Variants in SEC24B observed in about 807,000 individuals in gnomAD.
SEC24B encodes the protein protein transport protein Sec24B.
Under a neutral mutation model 142.8 loss-of-function variants are expected in SEC24B, and 45 were observed. The ratio of observed to expected loss-of-function variants is 0.32; its 90% CI spans 0.25 to 0.40. SEC24B has a LOEUF of 0.40. SEC24B is among the 10% of genes least tolerant of loss of function. The pLI is 1.00. For missense variants in SEC24B, 1,409 were observed against 1,526.8 expected, an observed-to-expected ratio of 0.92 and a Z score of 1.29; for synonymous variants, 574 against 568.2, an observed-to-expected ratio of 1.01 and a Z score of -0.15.
At chr4:109,528,921 G>C (rs1724578454) in intron 18 of SEC24B, among the ~76,000 whole-genome samples, 1 of 152,146 alleles carries the variant, frequency 6.6e-6, no homozygotes, top group African/African-American at 2.4e-5. Context: ...CCCAGTACTT[G>C]GGAGGCTGAA....
At chr4:109,533,329 A>G (rs562793184) in intron 21 of SEC24B, among the ~76,000 whole-genome samples, 74 of 152,364 alleles carry the variant, frequency 4.9e-4, no homozygotes, top group Non-Finnish European at 7.9e-4. Context: ...CAGTGAGTCA[A>G]TTATACTGAT....
intron 10 of SEC24B, among the ~76,000 whole-genome samples, chr4:109,514,993 A>G (rs1737776109): frequency 6.6e-6 from 1 of 152,114 alleles, no homozygotes; most frequent in Non-Finnish European, 1.5e-5. Flanking sequence ...TTCCCACTCC[A>G]TATTGGGTCC....
At chr4:109,511,851 T>C (rs1372765895) in intron 8 of SEC24B, 106 bp from the exon 9 acceptor site, 1 of 1,162,404 alleles carries the variant, frequency 8.6e-7, no homozygotes, top group Non-Finnish European at 1.2e-6. Flanking sequence ...TAAAACCACA[T>C]AAAAACAATT....
chr4:109,507,140 A>G (rs1736771159), intron 7 of SEC24B, among the ~76,000 whole-genome samples: 2 of 151,934 alleles, frequency 1.3e-5, no homozygotes, highest in Non-Finnish European at 2.9e-5. Flanking sequence ...TTGTTCTTGC[A>G]TGCTTTTAGT....
At chr4:109,459,425 A>C (rs572160815) in intron 1 of SEC24B, among the ~76,000 whole-genome samples, 48 of 152,362 alleles carry the variant, frequency 3.2e-4, no homozygotes, top group African/African-American at 1.2e-3. Context: ...CAAAAAAGCA[A>C]AATATCTCAG....
intron 6 of SEC24B, among the ~76,000 whole-genome samples, chr4:109,503,994 T>G (rs956881164): frequency 6.6e-6 from 1 of 152,174 alleles, no homozygotes. Flanking sequence ...ATGCTGCTAT[T>G]AATCCATGTG....
intron 16 of SEC24B, 43 bp from the exon 17 acceptor site, chr4:109,526,183 A>T: frequency 6.4e-7 from 1 of 1,565,602 alleles, no homozygotes; most frequent in Non-Finnish European, 8.8e-7. Context: ...TGAGGTGAAG[A>T]TACTATTGTT....
chr4:109,484,514 A>T (rs557699786), intron 4 of SEC24B, among the ~76,000 whole-genome samples: 1 of 152,256 alleles, frequency 6.6e-6, no homozygotes, highest in South Asian at 2.1e-4. Context: ...GACTATTTAA[A>T]TGTTGTGTTC....
At chr4:109,466,603 G>C (rs1731909589) in intron 2 of SEC24B, among the ~76,000 whole-genome samples, 1 of 152,064 alleles carries the variant, frequency 6.6e-6, no homozygotes, top group Non-Finnish European at 1.5e-5. Flanking sequence ...GTAGAGACAG[G>C]GTTTCACCAT....
At chr4:109,501,540 G>A (rs986878800) in intron 6 of SEC24B, among the ~76,000 whole-genome samples, 14 of 152,138 alleles carry the variant, frequency 9.2e-5, no homozygotes, top group African/African-American at 2.2e-4. Context: ...GCAGGATCGC[G>A]GCTCACTGCA....
chr4:109,489,628 ATATG>A (rs1391424233), intron 4 of SEC24B, among the ~76,000 whole-genome samples: 1 of 145,260 alleles, frequency 6.9e-6, no homozygotes, highest in Admixed American at 6.9e-5. Flanking sequence ...ATTATAATAT[ATATG>A]GTATATATAT....
intron 6 of SEC24B, among the ~76,000 whole-genome samples, chr4:109,495,476 G>A (rs988683268): frequency 1.3e-5 from 2 of 152,172 alleles, no homozygotes; most frequent in Admixed American, 6.5e-5. Context: ...GCAGAAGAGA[G>A]GAGAAGGAGA....
At chr4:109,487,424 A>C (rs191703149) in intron 4 of SEC24B, among the ~76,000 whole-genome samples, 98 of 152,256 alleles carry the variant, frequency 6.4e-4, no homozygotes, top group Non-Finnish European at 7.8e-4. Flanking sequence ...AAAAGGGAGG[A>C]TGGTAAAGGG....
chr4:109,453,582 A>C (rs1386129860), intron 1 of SEC24B, among the ~76,000 whole-genome samples: 1 of 151,794 alleles, frequency 6.6e-6, no homozygotes, highest in African/African-American at 2.4e-5. Flanking sequence ...GCCAGACTTT[A>C]AGGTTATCTC....
chr4:109,481,748 G>A lies in SEC24B; in HGVS notation c.1132G>A (p.Asp378Asn), dbSNP rs763872986. 13 of 1,613,894 alleles carry A rather than the reference G, an allele frequency of 8.1e-6. No homozygotes were observed. The highest frequency in any genetic ancestry group is 1.1e-5 in the Non-Finnish European group (13 of 1,179,804). Reference protein sequence around the residue: ...APTPLSSTSDDEEEEEEDEEA... With the variant: ...APTPLSSTSDNEEEEEEDEEA... ...AACTCCCTTGTCATCAACTTCCGAT[G>A]ATGAGGAAGAGGAGGAGGAGGATGA... The change falls in exon 4 of 24, where the codon GAT becomes AAT. Residue 378 changes from aspartate (D) to asparagine (N), a missense_variant. Asp to Asn is a conservative substitution (Grantham distance 23, BLOSUM62 1). Around this residue, in one of 2 missense-constraint regions of SEC24B, gnomAD observed 709 missense variants for 673.5 expected, o/e 1.05. Transcript: ENST00000265175.
rs80220895 is a variant in SEC24B at position 109,497,854 on chromosome 4, T to C, written c.1488+2998T>C. On this transcript the variant is annotated intron_variant, in intron 6 of 23. Coordinates refer to ENST00000265175, the MANE Select transcript of SEC24B (RefSeq NM_006323.5). ...CCACTGGATATTCATTTTTCAACTT[T>C]AGCAGTTAAAGCTAGACAGTTTGCC... Among the ~76,000 whole-genome samples, 825 of 152,320 alleles carry C rather than the reference T, an allele frequency of 5.4e-3. 35 individuals are homozygous for C. The South Asian group carries it at 0.079, about 15-fold the overall frequency.
chr4:109,467,607 A>G (rs1262355548), intron 2 of SEC24B, among the ~76,000 whole-genome samples: 1 of 152,186 alleles, frequency 6.6e-6, no homozygotes, highest in Non-Finnish European at 1.5e-5. Flanking sequence ...TGACAGCAAG[A>G]TGAGTACCAA....
intron 18 of SEC24B, among the ~76,000 whole-genome samples, chr4:109,528,430 CA>C (rs35976480): frequency 0.28 from 21,841 of 78,078 alleles, 1,412 homozygotes; most frequent in African/African-American, 0.36. Context: ...GACTGCATCT[CA>C]AAAAAAAAAA....
At chr4:109,489,764 G>A (rs1734820826) in intron 4 of SEC24B, among the ~76,000 whole-genome samples, 1 of 150,982 alleles carries the variant, frequency 6.6e-6, no homozygotes, top group Admixed American at 6.6e-5. Context: ...ATTGTAGCGT[G>A]TATCCATACT....
Sources: allele counts gnomAD v4.1 joint callset (sites outside exome capture counted in the v4.1 genomes callset), GRCh38; gene constraint gnomAD v4.1.1; regional missense constraint gnomAD v4.1.1; transcripts MANE v1.5; gene names NCBI Gene and HGNC (gene_info 2026-07-23, HGNC 2026-07-21).